Variants in UTRN observed in about 807,000 individuals in gnomAD.
UTRN encodes the protein utrophin.
Under a neutral mutation model 463.9 loss-of-function variants are expected in UTRN, and 283 were observed. The ratio of observed to expected loss-of-function variants is 0.61; its 90% confidence interval spans 0.55 to 0.67. The LOEUF (loss-of-function observed/expected upper bound fraction) is 0.67. Ranked by LOEUF, UTRN falls within the 30% of genes least tolerant of loss-of-function variation. UTRN has a pLI of 0.00. For missense variants in UTRN, 3,922 were observed against 4,084.3 expected, an observed-to-expected ratio of 0.96 and a Z score of 1.08; for synonymous variants, 1,442 against 1,431.5, an observed-to-expected ratio of 1.01 and a Z score of -0.17.
intron 51 of UTRN, among the ~76,000 whole-genome samples, chr6:144,645,799 C>A (rs1372845996): frequency 1.3e-5 from 2 of 152,088 alleles, no homozygotes; most frequent in African/African-American, 4.8e-5. Context: ...AAGCATGGTT[C>A]TGACTCTGGC....
At chr6:144,738,127 C>G (rs962549226) in intron 54 of UTRN, among the ~76,000 whole-genome samples, 2 of 152,206 alleles carry the variant, frequency 1.3e-5, no homozygotes, top group Admixed American at 1.3e-4. Context: ...TTTTGGCTGG[C>G]TTTTGACTCA....
At chr6:144,454,446 G>A (rs966154094) in intron 19 of UTRN, among the ~76,000 whole-genome samples, 2 of 151,748 alleles carry the variant, frequency 1.3e-5, no homozygotes, top group Non-Finnish European at 2.9e-5. Flanking sequence ...GTGCAGTTTT[G>A]CATATGAATC....
rs549491533 is a variant in UTRN, at chr6:144,730,624, T to C, written c.7939+138T>C. 5 of 1,070,310 alleles carry C rather than the reference T, an allele frequency of 4.7e-6. No homozygotes were observed. In the African/African-American group the frequency reaches 6.6e-5, roughly 14 times the overall value. 66.3% of individuals were successfully genotyped at this position (1,070,310 alleles called of 1,614,324 possible). ...TCTTCTAAGTGTTACTTTATTCAAA[T>C]ATGTCATTAATTCACAGATATCTAG... On this transcript the variant is annotated intron_variant, in intron 54 of 74. Coordinates refer to ENST00000367545, the MANE Select transcript of UTRN (RefSeq NM_007124.3).
rs114246264 is a variant in UTRN at position 144,632,568 on chromosome 6, G to A, written c.7480-45838G>A. On this transcript the variant is annotated intron_variant, in intron 51 of 74. Coordinates refer to ENST00000367545, the MANE Select transcript of UTRN (RefSeq NM_007124.3). ...GAGATGTACAATTTTGTAAAATATTGTCCTCAGTCTTGAACTGCAGAAACT... is the reference window on the plus strand; with the variant it reads ...GAGATGTACAATTTTGTAAAATATTATCCTCAGTCTTGAACTGCAGAAACT... Among the ~76,000 whole-genome samples the A allele has an allele frequency of 2.6e-3, 390 of 151,840 alleles. 5 individuals carry two copies. The highest frequency in any genetic ancestry group is 9.1e-3 in the African/African-American group (376 of 41,400).
intron 3 of UTRN, among the ~76,000 whole-genome samples, chr6:144,410,722 G>A (rs1168439916): frequency 6.6e-6 from 1 of 152,034 alleles, no homozygotes; most frequent in African/African-American, 2.4e-5. Flanking sequence ...ATGGTCTCCA[G>A]TTTCATCCAG....
intron 3 of UTRN, 29 bp from the exon 4 acceptor site, chr6:144,421,849 C>T: frequency 6.3e-7 from 1 of 1,582,364 alleles, no homozygotes; most frequent in East Asian, 2.3e-5. Context: ...TGGCATACCC[C>T]ATATTTTATT....
At chr6:144,808,830 G>A (rs1247470289) in intron 65 of UTRN, among the ~76,000 whole-genome samples, 1 of 151,928 alleles carries the variant, frequency 6.6e-6, no homozygotes, top group Admixed American at 6.6e-5. Context: ...GCTCATCTAA[G>A]TTATTGCAAA....
chr6:144,699,576 C>T (rs1322973513), intron 52 of UTRN, among the ~76,000 whole-genome samples: 1 of 122,844 alleles, frequency 8.1e-6, no homozygotes, highest in African/African-American at 3.1e-5. Context: ...ATTTACTGTG[C>T]TCTTAGTGGT....
At chr6:144,353,240 G>T (rs962083339) in intron 2 of UTRN, among the ~76,000 whole-genome samples, 1 of 151,876 alleles carries the variant, frequency 6.6e-6, no homozygotes, top group South Asian at 2.1e-4. Flanking sequence ...TCAGCCTCCC[G>T]AGTAGCTGGG....
intron 52 of UTRN, among the ~76,000 whole-genome samples, chr6:144,681,756 T>C (rs1314728412): frequency 6.6e-6 from 1 of 152,186 alleles, no homozygotes. Flanking sequence ...TTATAACAGC[T>C]TGAAGCTGTA....
intron 39 of UTRN, among the ~76,000 whole-genome samples, chr6:144,518,559 A>G (rs1795826454): frequency 6.6e-6 from 1 of 152,120 alleles, no homozygotes; most frequent in Non-Finnish European, 1.5e-5. Context: ...TATCTTTTAA[A>G]ACTCAGCTCC....
chr6:144,681,244 G>A (rs890354984), intron 52 of UTRN, among the ~76,000 whole-genome samples: 28 of 152,166 alleles, frequency 1.8e-4, no homozygotes, highest in Non-Finnish European at 3.1e-4. Flanking sequence ...AGACAGACGG[G>A]AGGCGGTGTC....
chr6:144,408,001 T>C (rs1407907680), intron 3 of UTRN, among the ~76,000 whole-genome samples: 2 of 152,224 alleles, frequency 1.3e-5, no homozygotes, highest in Non-Finnish European at 2.9e-5. Flanking sequence ...TTAGTCAATT[T>C]TTTCAGATCA....
intron 57 of UTRN, among the ~76,000 whole-genome samples, 198 bp from the exon 58 acceptor site, chr6:144,757,731 G>C (rs1332262624): frequency 6.6e-6 from 1 of 152,016 alleles, no homozygotes; most frequent in Non-Finnish European, 1.5e-5. Flanking sequence ...CCTTGAACCT[G>C]TATTGTTTCT....
At chr6:144,739,004 T>C (rs1789753559) in intron 54 of UTRN, among the ~76,000 whole-genome samples, 1 of 152,224 alleles carries the variant, frequency 6.6e-6, no homozygotes, top group Admixed American at 6.5e-5. Flanking sequence ...TATAGTTGTG[T>C]ATGAATGTAT....
intron 2 of UTRN, among the ~76,000 whole-genome samples, chr6:144,337,194 C>CCACACACA (rs772582196): frequency 7.9e-6 from 1 of 126,704 alleles, no homozygotes; most frequent in Non-Finnish European, 1.7e-5. Context: ...CACACACACA[C>CCACACACA]CACACACACA....
chr6:144,564,755 C>A (rs1170359746), intron 50 of UTRN, among the ~76,000 whole-genome samples: 1 of 152,060 alleles, frequency 6.6e-6, no homozygotes, highest in Admixed American at 6.6e-5. Context: ...GGGAAACCAT[C>A]CCCATTATCC....
intron 50 of UTRN, among the ~76,000 whole-genome samples, chr6:144,565,588 A>C (rs1002118358): frequency 6.6e-6 from 1 of 152,218 alleles, no homozygotes; most frequent in Non-Finnish European, 1.5e-5. Context: ...CAGATTTGTC[A>C]TGTTCAGAAA....
intron 39 of UTRN, among the ~76,000 whole-genome samples, chr6:144,519,570 C>T (rs1053813723): frequency 1.1e-4 from 17 of 152,036 alleles, no homozygotes; most frequent in Non-Finnish European, 1.6e-4. Context: ...AGTAAAGTCT[C>T]GGTCAGATCT....
Sources: allele counts gnomAD v4.1 joint callset (sites outside exome capture counted in the v4.1 genomes callset), GRCh38; gene constraint gnomAD v4.1.1; transcripts MANE v1.5; gene names NCBI Gene and HGNC (gene_info 2026-07-23, HGNC 2026-07-21).